Variants in STK10 observed in about 807,000 individuals in gnomAD.
STK10 encodes serine/threonine-protein kinase 10.
A neutral mutation model predicts 113.8 loss-of-function variants in STK10; 78 were observed. The ratio of observed to expected loss-of-function variants is 0.69; its 90% CI spans 0.57 to 0.83. The LOEUF (loss-of-function observed/expected upper bound fraction) is 0.83, where lower values mean the gene tolerates loss of function less well. Ranked by LOEUF, STK10 falls within the 40% of genes least tolerant of loss-of-function variation. The pLI, the probability that STK10 is intolerant of heterozygous loss-of-function variation, is 0.00. For synonymous variants in STK10, 465 were observed against 494.7 expected (o/e 0.94, Z 0.80); for missense variants, 1,109 against 1,280.1 (o/e 0.87, Z 2.04).
chr5:172,060,169 A>G (rs1767902944), intron 14 of STK10, among the ~76,000 whole-genome samples: 1 of 152,170 alleles, frequency 6.6e-6, no homozygotes, highest in Admixed American at 6.5e-5. Context: ...GCACTTTGGG[A>G]GGCTGAGACA....
intron 2 of STK10, among the ~76,000 whole-genome samples, chr5:172,139,938 G>A (rs1251056266): frequency 2.0e-5 from 3 of 147,978 alleles, no homozygotes; most frequent in Non-Finnish European, 3.0e-5. Flanking sequence ...AAACAAGTGG[G>A]ATACATCAAA....
At position 172,187,329 on chromosome 5, in the gene STK10, A is replaced by G. The variant is rs1581196339; in HGVS notation, c.156+558T>C. On this transcript the variant is annotated intron_variant, in intron 1 of 18. Coordinates refer to ENST00000176763, the MANE Select transcript of STK10 (RefSeq NM_005990.4). The surrounding 1 kb of genome is among the most constrained non-coding windows in gnomAD (Gnocchi z 4.6). The stretch of plus-strand genomic sequence containing the variant: ...CTCCCCCTCTGACCAGCCCCAACCC[A>G]CCTTTCCAAGCCCCACCTCTCAGTC... Among the ~76,000 whole-genome samples the G allele has an allele frequency of 7.0e-6, 1 of 143,536 alleles. No homozygotes were observed. Among genetic ancestry groups the G allele is most frequent in the African/African-American group, 2.6e-5 (1 of 38,192 alleles). The allele number at this position is 143,536 out of a possible 152,430, so 94.2% of individuals were successfully genotyped here. A position where few individuals can be genotyped will look rare whatever the true frequency, so the allele number is the denominator to read the frequency against.
intron 2 of STK10, among the ~76,000 whole-genome samples, chr5:172,153,207 A>G (rs556076167): frequency 6.6e-6 from 1 of 152,240 alleles, no homozygotes; most frequent in East Asian, 1.9e-4. Flanking sequence ...AATCTCTTGA[A>G]CACAGGAGAT....
At chr5:172,107,052 C>A in intron 5 of STK10, 1 of 300,392 alleles carries the variant, frequency 3.3e-6, no homozygotes, top group Non-Finnish European at 6.4e-6. Flanking sequence ...GAGATGGCAG[C>A]AGCAACCCGG....
intron 12 of STK10, among the ~76,000 whole-genome samples, chr5:172,076,036 G>A (rs1435233254): frequency 1.3e-5 from 2 of 151,966 alleles, no homozygotes; most frequent in Non-Finnish European, 2.9e-5. Context: ...TCTTAGATTT[G>A]TAATCTGAAT....
At position 172,155,958 on chromosome 5, in the gene STK10, G is replaced by T. The variant is rs1439241306; in HGVS notation, c.321+666C>A. Among the ~76,000 whole-genome samples the T allele has an allele frequency of 1.3e-5, 2 of 151,804 alleles. 1 individual carries two copies. The highest frequency in any genetic ancestry group is 4.1e-4 in the South Asian group (2 of 4,824). On this transcript the variant is annotated intron_variant, in intron 2 of 18. Coordinates refer to ENST00000176763, the MANE Select transcript of STK10 (RefSeq NM_005990.4). Reference sequence around the variant, plus strand: ...TGTAGTGAGCCAAGATCACACCACTGCATTCCAGCCTGGGCAACAGAACGA... The same window carrying T: ...TGTAGTGAGCCAAGATCACACCACTTCATTCCAGCCTGGGCAACAGAACGA...
chr5:172,140,274 CAAG>C (rs1191433179), intron 2 of STK10, among the ~76,000 whole-genome samples: 5 of 152,168 alleles, frequency 3.3e-5, no homozygotes, highest in African/African-American at 7.2e-5. Flanking sequence ...TGGCTATCAT[CAAG>C]AAGACAAAAG....
At chr5:172,075,370 T>C (rs10475563) in intron 12 of STK10, among the ~76,000 whole-genome samples, 25,780 of 151,922 alleles carry the variant, frequency 0.17, 2,429 homozygotes, top group African/African-American at 0.24. Flanking sequence ...TCTGACCCAA[T>C]ACTTCACTAA....
chr5:172,143,950 T>C (rs950845672), intron 2 of STK10, among the ~76,000 whole-genome samples: 11 of 152,286 alleles, frequency 7.2e-5, no homozygotes, highest in African/African-American at 2.2e-4. Flanking sequence ...GACAGCCAGA[T>C]TGTGCAAACG....
chr5:172,079,792 C>T (rs907856648), intron 12 of STK10, among the ~76,000 whole-genome samples: 4 of 152,108 alleles, frequency 2.6e-5, no homozygotes, highest in Admixed American at 1.3e-4. Flanking sequence ...GAACTCCTGA[C>T]CTCAAGTGAT....
chr5:172,052,934 T>C lies in STK10; in HGVS notation c.2761A>G (p.Lys921Glu), dbSNP rs1240735795. 1.2e-6 allele frequency: 2 copies of C among 1,613,906 alleles called. No individual in the cohort carries two copies. The highest frequency in any genetic ancestry group is 1.7e-6 in the Non-Finnish European group (2 of 1,180,030). Reference sequence around the variant, plus strand: ...ACCAGCTCGGATAAAGTTACCTTCTTGCGCGGCCGAAGCTTGTCCCGCCAT... The same window carrying C: ...ACCAGCTCGGATAAAGTTACCTTCTCGCGCGGCCGAAGCTTGTCCCGCCAT... ...KEWRDKLRPR[K>E]KALEEDLNQK... Residue 921 changes from lysine (K) to glutamate (E), a missense_variant, in exon 18 of 19, where the codon AAG becomes GAG. Around this residue, in one of 5 missense-constraint regions of STK10, gnomAD observed 885 missense variants for 991.1 expected, o/e 0.89. Transcript: ENST00000176763.
chr5:172,141,895 C>G (rs1357896019), intron 2 of STK10, among the ~76,000 whole-genome samples: 1 of 152,158 alleles, frequency 6.6e-6, no homozygotes. Context: ...GTCGTGGTGC[C>G]GTGTAAGGGT....
In STK10 at chr5:172,053,325, C is replaced by G. The variant is rs139458866; in HGVS notation, c.2653-283G>C. On this transcript the variant is annotated intron_variant, in intron 17 of 18. Transcript: ENST00000176763. ...AGGATACAGCAAGAAGGCAGCTGTC[C>G]GCAAGCCAGGAAGGGAGCCCTCACC... 3 of 345,440 alleles carry G rather than the reference C, an allele frequency of 8.7e-6. No homozygotes were observed. The Admixed American group carries it at 1.3e-4, about 15-fold the overall frequency. The allele number at this position is 345,440 out of a possible 1,614,324, so 21.4% of individuals were successfully genotyped here. A position where few individuals can be genotyped will look rare whatever the true frequency, so the allele number is the denominator to read the frequency against.
intron 10 of STK10, among the ~76,000 whole-genome samples, chr5:172,087,087 C>T (rs1445487152): frequency 4.2e-5 from 6 of 143,724 alleles, no homozygotes; most frequent in Non-Finnish European, 6.1e-5. Context: ...CCTAGCCTCC[C>T]GACCCACACA....
Position 172,107,820 on chromosome 5 carries a change from T to G in STK10, c.553A>C (p.Thr185Pro). The change falls in exon 5 of 19, where the codon ACT becomes CCT. Residue 185 changes from threonine (T) to proline (P), a missense_variant. Coordinates refer to ENST00000176763, the MANE Select transcript of STK10 (RefSeq NM_005990.4). ...DFGVSAKNLKTLQKRDSFIGT... is the reference protein window; with the variant it reads ...DFGVSAKNLKPLQKRDSFIGT... ...ATGAAGGAATCTCGTTTCTGTAGAG[T>G]CTTCAGATTCTTGGCAGACACACCA... is the stretch of plus-strand genomic sequence containing the variant. The G allele has an allele frequency of 6.2e-7, 1 of 1,613,912 alleles. No individual in the cohort carries two copies. Among genetic ancestry groups the G allele is most frequent in the Non-Finnish European group, 8.5e-7 (1 of 1,179,988 alleles).
At chr5:172,065,904 C>T (rs768293076) in intron 12 of STK10, among the ~76,000 whole-genome samples, 7 of 152,188 alleles carry the variant, frequency 4.6e-5, no homozygotes, top group Admixed American at 1.3e-4. Flanking sequence ...CCTGGTCAGA[C>T]GCCAGCAAGT....
intron 13 of STK10, 193 bp downstream of exon 13, chr5:172,064,527 G>A (rs1768022637): frequency 1.6e-6 from 1 of 616,904 alleles, no homozygotes; most frequent in South Asian, 1.9e-5. Context: ...CTTACTTCCA[G>A]ATGGAGGCAG....
Position 172,105,572 on chromosome 5 carries a change from G to C in STK10, c.870+84C>G, listed in dbSNP as rs1356522529. ...GTCCATGCTGTTCCCTGGGCGGGGT[G>C]AGAACATGCCCAGCGTCCAGGTCAC... On this transcript the variant is annotated intron_variant, in intron 7 of 18. Coordinates refer to ENST00000176763, the MANE Select transcript of STK10 (RefSeq NM_005990.4). 4 of 1,431,382 alleles carry C rather than the reference G, an allele frequency of 2.8e-6. No individual in the cohort carries two copies. The Admixed American group carries it at 5.1e-5, about 18-fold the overall frequency. The allele number at this position is 1,431,382 out of a possible 1,614,324, so 88.7% of individuals were successfully genotyped here.
chr5:172,148,959 G>A (rs549510305), intron 2 of STK10, among the ~76,000 whole-genome samples: 57 of 152,352 alleles, frequency 3.7e-4, no homozygotes, highest in African/African-American at 1.1e-3. Context: ...GCGGAGGGAG[G>A]CAAATCGCTT....
Sources: gnomAD v4.1 joint callset for allele counts (sites outside exome capture counted in the v4.1 genomes callset) on GRCh38, gnomAD v4.1.1 for gene constraint, gnomAD v4.1.1 regional missense constraint, Gnocchi (gnomAD v3.1) non-coding constraint, MANE v1.5 for transcripts, NCBI Gene and HGNC (gene_info 2026-07-23, HGNC 2026-07-21) for gene names.